CHTF18: variants seen among roughly 807,000 people sequenced by gnomAD.
CHTF18 encodes the protein chromosome transmission fidelity protein 18 homolog.
Under a neutral mutation model 113.4 loss-of-function variants are expected in CHTF18, and 151 were observed. That is an observed-to-expected ratio of 1.33 (90% CI 1.17 to 1.52). CHTF18 has a LOEUF of 1.52. Ranked by LOEUF, CHTF18 falls within the 40% of genes most tolerant of loss-of-function variation. CHTF18 has a pLI of 0.00. For synonymous variants in CHTF18, 916 were observed against 598.8 expected (o/e 1.53, Z -7.74); for missense variants, 1,982 against 1,381.6 (o/e 1.43, Z -6.89).
chr16:791,811 G>A (rs1354301637), intron 8 of CHTF18, 40 bp from the exon 9 acceptor site: 3 of 1,563,646 alleles, frequency 1.9e-6, no homozygotes, highest in Non-Finnish European at 2.6e-6. Context: ...GCGTCCTGTA[G>A]GTGCGGTGCA....
In CHTF18 at chr16:789,124, C is replaced by T. The variant is rs940112492; in HGVS notation, c.285C>T (p.His95=). 9.1e-6 allele frequency: 14 copies of T among 1,542,396 alleles called. No individual in the cohort carries two copies. Among genetic ancestry groups the T allele is most frequent in the African/African-American group, 2.8e-5 (2 of 72,704 alleles). Residue 95 remains histidine, a splice_region_variant and synonymous_variant, in exon 2 of 22, where the codon CAC becomes CAT. Transcript: ENST00000262315. ...TGCAGCCGGCCGGGTCCCTGCCCCACGGTAGGTTGGCGGCATTGCCCCAGG... is the reference window on the plus strand; with the variant it reads ...TGCAGCCGGCCGGGTCCCTGCCCCATGGTAGGTTGGCGGCATTGCCCCAGG... The part of the protein sequence containing the change: ...ADLQPAGSLP[H]APRIKRPRLQ...
intron 4 of CHTF18, 134 bp from the exon 5 acceptor site, chr16:790,043 C>G (rs778054727): frequency 2.0e-6 from 3 of 1,536,114 alleles, no homozygotes; most frequent in South Asian, 1.2e-5. Flanking sequence ...TTTGGCACCC[C>G]TGTCCAGTCT....
intron 3 of CHTF18, 47 bp downstream of exon 3, chr16:789,407 C>G (rs2042103256): frequency 8.4e-6 from 13 of 1,539,856 alleles, no homozygotes; most frequent in Middle Eastern, 1.7e-4. Flanking sequence ...TCCAGTGGGA[C>G]TCAGATGGAG....
At chr16:793,449 C>T (rs1026649024) in intron 14 of CHTF18, among the ~76,000 whole-genome samples, 175 bp downstream of exon 14, 1 of 152,120 alleles carries the variant, frequency 6.6e-6, no homozygotes, top group Non-Finnish European at 1.5e-5. Context: ...GTTCTCGCCC[C>T]TACAGCCTTG....
At chr16:792,399 G>A in intron 10 of CHTF18, 40 bp from the exon 11 acceptor site, 1 of 1,561,364 alleles carries the variant, frequency 6.4e-7, no homozygotes, top group Non-Finnish European at 8.7e-7. Context: ...CAGGCGGGCA[G>A]CAGGGCCTGG....
chr16:790,240 G>C lies in CHTF18; in HGVS notation c.670G>C (p.Ala224Pro), dbSNP rs374655699. Residue 224 changes from alanine (A) to proline (P), a missense_variant, in exon 5 of 22, where the codon GCC becomes CCC. Transcript: ENST00000262315. ...GCTGGACCTGCTGGGTGTGTCCTTA[G>C]CCTCCCTGAAGAAGCAGGTCGACGG... ...GQLDLLGVSL[A>P]SLKKQVDGER... The C allele has an allele frequency of 1.2e-4, 189 of 1,606,748 alleles. No homozygotes were observed. The highest frequency in any genetic ancestry group is 2.4e-4 in the Admixed American group (14 of 59,224).
rs1001515157 is a variant in CHTF18 at position 789,743 on chromosome 16, T to G, written c.606+28T>G. On this transcript the variant is annotated intron_variant, in intron 4 of 21. Coordinates refer to ENST00000262315, the MANE Select transcript of CHTF18 (RefSeq NM_022092.3). ...GCGTGGCTGTGGCCTTCCTGCACGG[T>G]GGGTGGGCCAGTGCTGCTCAGGAAA... The G allele has an allele frequency of 3.2e-6, 5 of 1,555,788 alleles. No individual in the cohort carries two copies. In the African/African-American group the frequency reaches 6.8e-5, roughly 21 times the overall value.
In CHTF18 at chr16:796,099, G is replaced by A. The variant is rs199931642; in HGVS notation, c.2456+22G>A. 4.4e-6 allele frequency: 7 copies of A among 1,590,648 alleles called. No individual in the cohort carries two copies. In the East Asian group the frequency reaches 1.6e-4, roughly 37 times the overall value. ...AGCCGTGAGTCCCCCAGTGCCTGGG[G>A]TGTGCTCCAGGGTCATGCTCCCCGG... is the stretch of plus-strand genomic sequence containing the variant. On this transcript the variant is annotated intron_variant, in intron 18 of 21. Coordinates refer to ENST00000262315, the MANE Select transcript of CHTF18 (RefSeq NM_022092.3).
chr16:795,272 C>T lies in CHTF18; in HGVS notation c.2091C>T (p.Tyr697=), dbSNP rs2042305047. 1.3e-6 allele frequency: 2 copies of T among 1,549,070 alleles called. No individual in the cohort carries two copies. The highest frequency in any genetic ancestry group is 8.7e-7 in the Non-Finnish European group (1 of 1,146,766). The change falls in exon 16 of 22, where the codon TAC becomes TAT. Residue 697 remains tyrosine, a synonymous_variant. Transcript: ENST00000262315. ...HHSQSFQLLR[Y]PPFLPVAFHV... The stretch of plus-strand genomic sequence containing the variant: ...GCCAGAGCTTCCAGCTGCTGCGCTA[C>T]CCACCCTTCCTGCCCGTGGCCTTCC...
chr16:789,541 C>A lies in CHTF18; in HGVS notation c.438-6C>A, dbSNP rs766560306. 1.3e-6 allele frequency: 2 copies of A among 1,594,634 alleles called. No individual in the cohort carries two copies. The highest frequency in any genetic ancestry group is 1.7e-5 in the Admixed American group (1 of 58,712). ...TTTCTGCCACTGAGCCCCGGTCTCT[C>A]TCCAGAGTCTCAGAAGCTGCTGCCG... On this transcript the variant is annotated splice_polypyrimidine_tract_variant and splice_region_variant and intron_variant, in intron 3 of 21. Coordinates refer to ENST00000262315, the MANE Select transcript of CHTF18 (RefSeq NM_022092.3).
rs775394112 is a variant in CHTF18 at position 789,327 on chromosome 16, G to T, written c.404G>T (p.Ser135Ile). ...SSPTDITPPP[S>I]PEDLAELWGH... ...CCGACGGACATCACCCCGCCGCCGA[G>T]CCCTGAGGACCTCGCAGAGCTTTGG... The change falls in exon 3 of 22, where the codon AGC (serine) becomes ATC (isoleucine). Residue 135 changes from serine to isoleucine, a missense_variant. Ser to Ile is a moderately radical substitution (Grantham distance 142). Coordinates refer to ENST00000262315, the MANE Select transcript of CHTF18 (RefSeq NM_022092.3). 4.4e-6 allele frequency: 7 copies of T among 1,602,738 alleles called. No individual in the cohort carries two copies. The highest frequency in any genetic ancestry group is 2.2e-5 in the East Asian group (1 of 44,568).
rs769482553 is a variant in CHTF18, at chr16:798,053, G to A, written c.*78G>A. The stretch of plus-strand genomic sequence containing the variant: ...AGGAAGCTGGAGATGTCTTTATAAA[G>A]TCACACCTTTACAGACTGTAATCAC... On this transcript the variant is annotated 3_prime_UTR_variant, in exon 22 of 22. Coordinates refer to ENST00000262315, the MANE Select transcript of CHTF18 (RefSeq NM_022092.3). 26 of 1,528,324 alleles carry A rather than the reference G, an allele frequency of 1.7e-5. No homozygotes were observed. Among genetic ancestry groups the A allele is most frequent in the East Asian group, 1.4e-4 (6 of 43,856 alleles). The allele number at this position is 1,528,324 out of a possible 1,614,324, so 94.7% of individuals were successfully genotyped here. A position where few individuals can be genotyped will look rare whatever the true frequency, so the allele number is the denominator to read the frequency against.
intron 4 of CHTF18, 41 bp downstream of exon 4, chr16:789,756 G>A (rs373498638): frequency 2.0e-6 from 3 of 1,532,790 alleles, no homozygotes; most frequent in Non-Finnish European, 2.6e-6. Context: ...GTGGGCCAGT[G>A]CTGCTCAGGA....
At chr16:791,974 G>C (rs374163716) in intron 9 of CHTF18, 26 bp downstream of exon 9, 6 of 1,589,330 alleles carry the variant, frequency 3.8e-6, no homozygotes, top group Admixed American at 3.6e-5. Context: ...TCCGTCTCTG[G>C]CTCGCCTTCT....
At chr16:789,513 G>A in intron 3 of CHTF18, 34 bp from the exon 4 acceptor site, 1 of 1,569,628 alleles carries the variant, frequency 6.4e-7, no homozygotes, top group Non-Finnish European at 8.6e-7. Context: ...CCCCACGCTT[G>A]AGTTTCTGCC....
rs765044797 is a variant in CHTF18 at position 789,584 on chromosome 16, G to T, written c.475G>T (p.Ala159Ser). ...TGCTGCCGACGTGGGTCTCACACGG[G>T]CCTCACCAGCTGCCCGCAATCCCGT... ...EAAADVGLTR[A>S]SPAARNPVLR... The change falls in exon 4 of 22, where the codon GCC becomes TCC. Residue 159 changes from alanine (A) to serine (S), a missense_variant. Ala to Ser is a moderately conservative substitution (Grantham distance 99, BLOSUM62 1). Transcript: ENST00000262315. The T allele has an allele frequency of 4.4e-6, 7 of 1,608,808 alleles. No homozygotes were observed. The highest frequency in any genetic ancestry group is 3.3e-5 in the South Asian group (3 of 90,952).
intron 9 of CHTF18, 31 bp from the exon 10 acceptor site, chr16:792,193 G>A (rs1420613908): frequency 6.4e-7 from 1 of 1,558,026 alleles, no homozygotes; most frequent in South Asian, 1.2e-5. Context: ...GACGCCCACT[G>A]CCCTGACGAC....
intron 17 of CHTF18, 42 bp downstream of exon 17, chr16:795,876 C>T (rs147608059): frequency 4.7e-5 from 76 of 1,606,546 alleles, no homozygotes; most frequent in Middle Eastern, 1.7e-4. Flanking sequence ...CGCCTGCTGC[C>T]CTCCTGTCCT....
At position 792,570 on chromosome 16, in the gene CHTF18, T is replaced by C. The variant is rs1315657372; in HGVS notation, c.1458T>C (p.Ile486=). 5.6e-6 allele frequency: 9 copies of C among 1,596,160 alleles called. No homozygotes were observed. In the South Asian group the frequency reaches 6.7e-5, roughly 12 times the overall value. Reference sequence around the variant, plus strand: ...AGGGGGGGCTCCTCATGAGGCCCATTATCTGCATTTGCAATGACCAGTGAG... The same window carrying C: ...AGGGGGGGCTCCTCATGAGGCCCATCATCTGCATTTGCAATGACCAGTGAG... The part of the protein sequence containing the change: ...RAEGGLLMRP[I]ICICNDQFAP... Residue 486 remains isoleucine, a synonymous_variant, in exon 11 of 22, where the codon ATT becomes ATC. Transcript: ENST00000262315.
Sources: gnomAD v4.1 joint callset for allele counts (sites outside exome capture counted in the v4.1 genomes callset) on GRCh38, gnomAD v4.1.1 for gene constraint, MANE v1.5 for transcripts, NCBI Gene and HGNC (gene_info 2026-07-23, HGNC 2026-07-21) for gene names.